WDR17: variants seen among roughly 807,000 people sequenced by gnomAD.
The protein encoded by WDR17 is WD repeat-containing protein 17.
A neutral mutation model predicts 161.7 loss-of-function variants in WDR17; 143 were observed. The observed-to-expected ratio is 0.88, with a 90% CI of 0.77 to 1.02. The LOEUF (loss-of-function observed/expected upper bound fraction) is 1.02. Among genes scored for constraint, WDR17 ranks in the 50% least tolerant of loss-of-function variants. The pLI is 0.00. For synonymous variants in WDR17, 517 were observed against 515.6 expected, an observed-to-expected ratio of 1.00 and a Z score of -0.04; for missense variants, 1,469 against 1,520.9, an observed-to-expected ratio of 0.97 and a Z score of 0.57.
chr4:176,081,832 A>G (rs1734782235), intron 1 of WDR17, among the ~76,000 whole-genome samples: 1 of 152,150 alleles, frequency 6.6e-6, no homozygotes, highest in Non-Finnish European at 1.5e-5. Context: ...AATTGTCCAG[A>G]TGATGAAATT....
intron 10 of WDR17, among the ~76,000 whole-genome samples, chr4:176,140,239 C>A (rs1003439095): frequency 6.6e-6 from 1 of 152,034 alleles, no homozygotes. Context: ...TGAAAAGACT[C>A]ATTTCTTTGC....
chr4:176,084,451 A>G (rs752661103), intron 1 of WDR17, among the ~76,000 whole-genome samples: 3 of 152,244 alleles, frequency 2.0e-5, no homozygotes, highest in Non-Finnish European at 2.9e-5. Context: ...AGCTGCCTCT[A>G]TAATACAGAC....
At chr4:176,119,201 A>G (rs1409831776) in intron 3 of WDR17, among the ~76,000 whole-genome samples, 1 of 152,166 alleles carries the variant, frequency 6.6e-6, no homozygotes, top group Non-Finnish European at 1.5e-5. Flanking sequence ...TATTGATGGA[A>G]TGTAAATGTA....
At chr4:176,171,032 A>G (rs902829981) in intron 23 of WDR17, among the ~76,000 whole-genome samples, 4 of 152,206 alleles carry the variant, frequency 2.6e-5, no homozygotes, top group Admixed American at 2.0e-4. Flanking sequence ...CTATTTCATA[A>G]TAATATCTCA....
intron 23 of WDR17, among the ~76,000 whole-genome samples, chr4:176,169,385 A>G (rs907455319): frequency 6.6e-6 from 1 of 152,186 alleles, no homozygotes; most frequent in East Asian, 1.9e-4. Context: ...AGTGCTATTA[A>G]TCCATTAAAA....
chr4:176,138,856 T>C (rs1744821082), intron 9 of WDR17, among the ~76,000 whole-genome samples: 1 of 151,814 alleles, frequency 6.6e-6, no homozygotes, highest in Non-Finnish European at 1.5e-5. Context: ...TTAAATCCTA[T>C]GTCATAAATA....
rs1278912657 is a variant in WDR17, at chr4:176,120,097, G to A, written c.538G>A (p.Gly180Ser). The change falls in exon 4 of 29, where the codon GGT (glycine) becomes AGT (serine). Residue 180 changes from glycine to serine, a missense_variant and splice_region_variant. Transcript: ENST00000508596. Reference sequence around the variant, plus strand: ...TGGAAGTCTATCAATTTTTCATCCAGGTAAGAATTTAATTAGCAAGGTATC... The same window carrying A: ...TGGAAGTCTATCAATTTTTCATCCAAGTAAGAATTTAATTAGCAAGGTATC... The part of the protein sequence containing the change: ...IDGSLSIFHP[G>S]NKNQKHVLRP... 6.2e-7 allele frequency: 1 copy of A among 1,609,400 alleles called. No individual in the cohort carries two copies. The highest frequency in any genetic ancestry group is 1.3e-5 in the African/African-American group (1 of 74,698).
Position 176,119,975 on chromosome 4 carries a change from T to C in WDR17, c.416T>C (p.Val139Ala), listed in dbSNP as rs1741286127. ...ACCATCTCAGGACCAGATAGTGGAG[T>C]GATTGTACACAAAGATGCTCATAGC... ...IWTISGPDSG[V>A]IVHKDAHSFL... The change falls in exon 4 of 29, where the codon GTG (valine) becomes GCG (alanine). Residue 139 changes from valine (V) to alanine (A), a missense_variant. Transcript: ENST00000508596. 6.2e-7 allele frequency: 1 copy of C among 1,613,796 alleles called. No homozygotes were observed. The highest frequency in any genetic ancestry group is 8.5e-7 in the Non-Finnish European group (1 of 1,179,980).
chr4:176,168,574 A>G, intron 22 of WDR17, 98 bp from the exon 23 acceptor site: 1 of 1,380,112 alleles, frequency 7.2e-7, no homozygotes, highest in African/African-American at 1.4e-5. Context: ...AAAAAGCAAG[A>G]GTGGTATATT....
At chr4:176,069,764 G>A (rs1192216761) in intron 1 of WDR17, among the ~76,000 whole-genome samples, 2 of 152,040 alleles carry the variant, frequency 1.3e-5, no homozygotes, top group Admixed American at 1.3e-4. Context: ...AAATCGGAAA[G>A]TAGAAAATAA....
At position 176,159,011 on chromosome 4, in the gene WDR17, G is replaced by C. The variant is rs143248816; in HGVS notation, c.2526-983G>C. On this transcript the variant is annotated intron_variant, in intron 18 of 28. Coordinates refer to ENST00000508596, the MANE Select transcript of WDR17 (RefSeq NM_181265.4). Reference sequence around the variant, plus strand: ...AAACATAGCTGTTGAGGAATACTTCGATGACTCTATGAAATTGGAGACTGT... The same window carrying C: ...AAACATAGCTGTTGAGGAATACTTCCATGACTCTATGAAATTGGAGACTGT... Among the ~76,000 whole-genome samples the C allele has an allele frequency of 3.6e-3, 549 of 152,196 alleles. 3 individuals are homozygous for C. The highest frequency in any genetic ancestry group is 0.013 in the African/African-American group (523 of 41,534).
Position 176,111,848 on chromosome 4 carries a change from C to T in WDR17, c.123+145C>T, listed in dbSNP as rs987275960. The stretch of plus-strand genomic sequence containing the variant: ...ATTTTTAAAGTTTTGTGATTTATAC[C>T]GTATAGGTTTTAAAAGTTAAACCTT... On this transcript the variant is annotated intron_variant, in intron 2 of 28. Coordinates refer to ENST00000508596, the MANE Select transcript of WDR17 (RefSeq NM_181265.4). 7.6e-6 allele frequency: 6 copies of T among 791,916 alleles called. No homozygotes were observed. The South Asian group carries it at 1.4e-4, about 19-fold the overall frequency. 49.1% of individuals were successfully genotyped at this position (791,916 alleles called of 1,614,324 possible). A position where few individuals can be genotyped will look rare whatever the true frequency, so the allele number is the denominator to read the frequency against.
At chr4:176,104,028 C>T (rs1467503631) in intron 1 of WDR17, among the ~76,000 whole-genome samples, 1 of 152,130 alleles carries the variant, frequency 6.6e-6, no homozygotes, top group Middle Eastern at 3.4e-3. Context: ...AAGTGATTAA[C>T]ACATACATAC....
At chr4:176,179,058 C>T (rs1751863621) in intron 28 of WDR17, among the ~76,000 whole-genome samples, 1 of 152,094 alleles carries the variant, frequency 6.6e-6, no homozygotes, top group South Asian at 2.1e-4. Flanking sequence ...AATAATTTCC[C>T]CAGCTGTATC....
chr4:176,108,937 G>A (rs1208468888), intron 1 of WDR17, among the ~76,000 whole-genome samples: 5 of 151,948 alleles, frequency 3.3e-5, no homozygotes, highest in South Asian at 2.1e-4. Context: ...CTACAGGCAC[G>A]CGCCACCACC....
At chr4:176,070,621 C>G (rs1478511152) in intron 1 of WDR17, among the ~76,000 whole-genome samples, 1 of 151,962 alleles carries the variant, frequency 6.6e-6, no homozygotes, top group Non-Finnish European at 1.5e-5. Context: ...TCAATCAATC[C>G]CCCCACAGCA....
chr4:176,114,979 G>A, intron 2 of WDR17, among the ~76,000 whole-genome samples: 1 of 151,898 alleles, frequency 6.6e-6, no homozygotes, highest in East Asian at 1.9e-4. Flanking sequence ...AATTACTTTG[G>A]CAAGATAGCA....
chr4:176,066,877 G>A (rs960564168), intron 1 of WDR17, among the ~76,000 whole-genome samples: 5 of 152,038 alleles, frequency 3.3e-5, no homozygotes, highest in African/African-American at 1.2e-4. Context: ...GTTGTAAAAG[G>A]ATACGAAACG....
intron 8 of WDR17, 78 bp downstream of exon 8, chr4:176,135,354 T>C: frequency 3.4e-6 from 5 of 1,456,266 alleles, no homozygotes; most frequent in Non-Finnish European, 4.8e-6. Context: ...GTTACTTTCT[T>C]CCTCTTGATC....
Sources: allele counts gnomAD v4.1 joint callset (sites outside exome capture counted in the v4.1 genomes callset), GRCh38; gene constraint gnomAD v4.1.1; transcripts MANE v1.5; gene names NCBI Gene and HGNC (gene_info 2026-07-23, HGNC 2026-07-21).